Variants in GRIA3 observed in about 807,000 individuals in gnomAD.
The protein encoded by GRIA3 is glutamate receptor 3.
A neutral mutation model predicts 63.0 loss-of-function variants in GRIA3; 3 were observed. The observed-to-expected ratio is 0.05, with a 90% CI of 0.02 to 0.12. The LOEUF (loss-of-function observed/expected upper bound fraction) is 0.12, where lower values mean the gene tolerates loss of function less well. GRIA3 is among the 10% of genes least tolerant of loss of function. The pLI, the probability that GRIA3 is intolerant of heterozygous loss-of-function variation, is 1.00. For synonymous variants in GRIA3, 274 were observed against 257.9 expected (o/e 1.06, Z -0.60); for missense variants, 347 against 700.9 (o/e 0.50, Z 5.70).
intron 12 of GRIA3, among the ~76,000 whole-genome samples, chrX:123,462,699 G>A (rs1603169955): frequency 9.0e-6 from 1 of 111,483 alleles, no homozygotes; most frequent in African/African-American, 3.3e-5. Flanking sequence ...GTCCAAGCAG[G>A]CCCCAAGAAA....
rs185084899 is a variant in GRIA3, at chrX:123,321,691, G to T, written c.509-4335G>T. On this transcript the variant is annotated intron_variant, in intron 3 of 15. Transcript: ENST00000620443. ...ACAATTGTATATTTGAGAACTTTTT[G>T]TATCTGATGCTATCCCTGTCATGAG... Among the ~76,000 whole-genome samples, 261 of 111,974 alleles carry T rather than the reference G, an allele frequency of 2.3e-3. 2 individuals are homozygous for T. The highest frequency in any genetic ancestry group is 8.3e-3 in the African/African-American group (255 of 30,802).
intron 11 of GRIA3, among the ~76,000 whole-genome samples, chrX:123,422,455 TAGG>T (rs1259423175): frequency 8.9e-6 from 1 of 112,200 alleles, no homozygotes; most frequent in East Asian, 2.8e-4. Context: ...ACTGATTTAT[TAGG>T]AGGAGTCGGT....
In GRIA3 at chrX:123,228,475, A is replaced by G. The variant is rs150571778; in HGVS notation, c.269-24828A>G. On this transcript the variant is annotated intron_variant, in intron 2 of 15. Coordinates refer to ENST00000620443, the MANE Select transcript of GRIA3 (RefSeq NM_007325.5). ...CTAATGGGTCCAATGACATGAGACT[A>G]TAACTCTGGTGGTTGCGAATTTGGT... Among the ~76,000 whole-genome samples, 394 of 111,417 alleles carry G rather than the reference A, an allele frequency of 3.5e-3. 2 individuals are homozygous for G. Among genetic ancestry groups the G allele is most frequent in the African/African-American group, 0.012 (373 of 30,668 alleles).
At chrX:123,427,846 T>C in intron 11 of GRIA3, 95 bp from the exon 12 acceptor site, 1 of 635,149 alleles carries the variant, frequency 1.6e-6, no homozygotes, top group Non-Finnish European at 2.7e-6. Context: ...TCAGCTATAC[T>C]GAAACCACTC....
chrX:123,456,880 C>T (rs546097336), intron 12 of GRIA3, among the ~76,000 whole-genome samples: 1 of 111,454 alleles, frequency 9.0e-6, no homozygotes, highest in South Asian at 3.9e-4. Context: ...CAGATGGAGG[C>T]CCAAAGCCAC....
At chrX:123,215,851 T>C (rs1928145864) in intron 2 of GRIA3, among the ~76,000 whole-genome samples, 1 of 111,567 alleles carries the variant, frequency 9.0e-6, no homozygotes. Flanking sequence ...TCTTTATCTG[T>C]CCAGAAAAGC....
In GRIA3 at chrX:123,463,718, AAGAAAG is replaced by A. The variant is rs1346772938; in HGVS notation, c.2077-1139_2077-1134del. Among the ~76,000 whole-genome samples, 118 of 102,252 alleles carry A rather than the reference AAGAAAG, an allele frequency of 1.2e-3. 12 individuals are homozygous for A. Among genetic ancestry groups the A allele is most frequent in the African/African-American group, 4.6e-3 (115 of 24,925 alleles). The allele number at this position is 102,252 out of a possible 115,157, so 88.8% of individuals were successfully genotyped here. ...AGAAAGAAAAAGAAAGAAAGAAAGA[AAGAAAG>A]AGAAAGAAGAGAGAGAAAGAAAGAA... On this transcript the variant is annotated intron_variant, in intron 12 of 15. Coordinates refer to ENST00000620443, the MANE Select transcript of GRIA3 (RefSeq NM_007325.5).
intron 2 of GRIA3, among the ~76,000 whole-genome samples, chrX:123,190,738 A>AT (rs1334390607): frequency 5.4e-5 from 6 of 111,846 alleles, no homozygotes; most frequent in African/African-American, 2.0e-4. Context: ...AGTTTTCCAC[A>AT]TTTTCCTACT....
chrX:123,304,513 C>A (rs2044743189), intron 3 of GRIA3, among the ~76,000 whole-genome samples: 2 of 111,664 alleles, frequency 1.8e-5, no homozygotes, highest in Admixed American at 9.6e-5. Context: ...AAAATATTTC[C>A]TCCAGGCTCC....
At chrX:123,464,130 G>A (rs987940239) in intron 12 of GRIA3, among the ~76,000 whole-genome samples, 2 of 110,665 alleles carry the variant, frequency 1.8e-5, no homozygotes, top group East Asian at 5.6e-4. Flanking sequence ...AAAAAGAACC[G>A]TTGTAAAAAG....
At chrX:123,416,695 T>C (rs763914699) in intron 10 of GRIA3, among the ~76,000 whole-genome samples, 1 of 113,167 alleles carries the variant, frequency 8.8e-6, no homozygotes, top group East Asian at 2.8e-4. Flanking sequence ...TTCTGACAAC[T>C]GTTTTACCCT....
chrX:123,258,338 T>C (rs1191405938), intron 3 of GRIA3, among the ~76,000 whole-genome samples: 1 of 112,374 alleles, frequency 8.9e-6, no homozygotes, highest in African/African-American at 3.2e-5. Context: ...GAAGAAGAAA[T>C]TTCTATTCAG....
intron 7 of GRIA3, among the ~76,000 whole-genome samples, chrX:123,400,671 A>G (rs2045439318): frequency 8.9e-6 from 1 of 112,245 alleles, no homozygotes. Flanking sequence ...GCCTGTTTTA[A>G]TGAATAAATA....
At chrX:123,398,324 T>A (rs951547324) in intron 6 of GRIA3, among the ~76,000 whole-genome samples, 3 of 112,001 alleles carry the variant, frequency 2.7e-5, no homozygotes, top group African/African-American at 9.7e-5. Context: ...ACTTCACACA[T>A]ATTTCTTCCT....
intron 5 of GRIA3, 116 bp downstream of exon 5, chrX:123,355,079 A>G: frequency 1.7e-6 from 1 of 587,414 alleles, no homozygotes; most frequent in Non-Finnish European, 3.0e-6. Flanking sequence ...ACTTGGAGAA[A>G]TGACTTCGGT....
At chrX:123,186,078 G>A in intron 2 of GRIA3, 88 bp downstream of exon 2, 2 of 738,241 alleles carry the variant, frequency 2.7e-6, no homozygotes, top group Non-Finnish European at 4.3e-6. Context: ...GTATGTGCTG[G>A]GAGATGATTG....
intron 3 of GRIA3, among the ~76,000 whole-genome samples, chrX:123,308,970 G>T (rs1174585270): frequency 8.9e-6 from 1 of 112,608 alleles, no homozygotes; most frequent in Non-Finnish European, 1.9e-5. Flanking sequence ...CCTCCTCAGT[G>T]GAGAGCAATG....
At chrX:123,205,676 C>T (rs1005246927) in intron 2 of GRIA3, among the ~76,000 whole-genome samples, 13 of 111,824 alleles carry the variant, frequency 1.2e-4, no homozygotes, top group Non-Finnish European at 1.9e-4. Flanking sequence ...GCCAAGTAAC[C>T]GCATGGACAA....
At chrX:123,187,809 A>T (rs752281337) in intron 2 of GRIA3, among the ~76,000 whole-genome samples, 1 of 111,391 alleles carries the variant, frequency 9.0e-6, no homozygotes, top group Non-Finnish European at 1.9e-5. Context: ...TCAGAACCCC[A>T]CTCAAGAAGC....
Sources: allele counts gnomAD v4.1 joint callset (sites outside exome capture counted in the v4.1 genomes callset), GRCh38; gene constraint gnomAD v4.1.1; transcripts MANE v1.5; gene names NCBI Gene and HGNC (gene_info 2026-07-23, HGNC 2026-07-21).